The following ZBTB45 variants were observed in gnomAD, a reference collection of about 807,000 sequenced individuals.
The protein encoded by ZBTB45 is zinc finger and BTB domain containing 45, also known as zinc finger and BTB domain-containing protein 45.
ZBTB45 carries 22 observed loss-of-function variants against 28.4 expected under a neutral mutation model. The ratio of observed to expected loss-of-function variants is 0.77; its 90% confidence interval spans 0.55 to 1.10. The LOEUF (loss-of-function observed/expected upper bound fraction) is 1.10, where lower values mean the gene tolerates loss of function less well. Among genes scored for constraint, ZBTB45 ranks in the 50% least tolerant of loss-of-function variants. The pLI, the probability that ZBTB45 is intolerant of heterozygous loss-of-function variation, is 0.00. For missense variants in ZBTB45, 656 were observed against 750.2 expected, an observed-to-expected ratio of 0.87 and a Z score of 1.47; for synonymous variants, 361 against 332.3, an observed-to-expected ratio of 1.09 and a Z score of -0.94.
At chr19:58,532,205 G>A (rs1323069902) in intron 1 of ZBTB45, among the ~76,000 whole-genome samples, 1 of 152,196 alleles carries the variant, frequency 6.6e-6, no homozygotes, top group Non-Finnish European at 1.5e-5. Flanking sequence ...TGGGACTGAA[G>A]TAACTGAAAA....
chr19:58,527,626 G>A lies in ZBTB45; in HGVS notation c.1-9953C>T, dbSNP rs74449780. Among the ~76,000 whole-genome samples, 1,139 of 152,302 alleles carry A rather than the reference G, an allele frequency of 7.5e-3. 8 individuals are homozygous for A. Among genetic ancestry groups the A allele is most frequent in the Middle Eastern group, 0.014 (4 of 294 alleles). On this transcript the variant is annotated intron_variant, in intron 1 of 1. Coordinates refer to the ZBTB45 transcript ENST00000600130. The stretch of plus-strand genomic sequence containing the variant: ...TTCCACTCAGGAGTGGCTAGTCTGA[G>A]AAGTGCTTCCCTACTAAGGTGGGCA...
At chr19:58,514,708 CT>C (rs1227165822) in intron 2 of ZBTB45, among the ~76,000 whole-genome samples, 2 of 152,124 alleles carry the variant, frequency 1.3e-5, no homozygotes, top group African/African-American at 4.8e-5. Context: ...TGTTGGCCAT[CT>C]GGACTGCCCA....
At chr19:58,520,635 T>C (rs1261914174), upstream of ZBTB45, among the ~76,000 whole-genome samples, 1 of 151,944 alleles carries the variant, frequency 6.6e-6, no homozygotes, top group African/African-American at 2.4e-5. Flanking sequence ...AAGAGGAAGG[T>C]GGAGAAACTT....
chr19:58,534,170 T>A (rs2053648619), intron 1 of ZBTB45, among the ~76,000 whole-genome samples: 1 of 152,072 alleles, frequency 6.6e-6, no homozygotes, highest in Non-Finnish European at 1.5e-5. Flanking sequence ...AGTTAAAAAG[T>A]CCATAGAGAC....
intron 1 of ZBTB45, among the ~76,000 whole-genome samples, chr19:58,525,006 T>C (rs2053600365): frequency 6.6e-6 from 1 of 151,962 alleles, no homozygotes; most frequent in Non-Finnish European, 1.5e-5. Context: ...CAGAAGAAAT[T>C]GAGCTCCAGG....
At chr19:58,527,531 T>G (rs2053614271) in intron 1 of ZBTB45, among the ~76,000 whole-genome samples, 1 of 152,180 alleles carries the variant, frequency 6.6e-6, no homozygotes, top group Admixed American at 6.5e-5. Flanking sequence ...TCTCCAGTCC[T>G]GTCACTTTGT....
chr19:58,520,507 C>T (rs2053568481), upstream of ZBTB45, among the ~76,000 whole-genome samples: 2 of 151,946 alleles, frequency 1.3e-5, no homozygotes, highest in Non-Finnish European at 2.9e-5. Flanking sequence ...AGTTACACTA[C>T]ATGGTGAAAG....
chr19:58,527,564 G>A (rs1349239145), intron 1 of ZBTB45, among the ~76,000 whole-genome samples: 2 of 152,290 alleles, frequency 1.3e-5, no homozygotes, highest in South Asian at 2.1e-4. Context: ...TGCCACCCGG[G>A]TGTTGTGAAT....
At chr19:58,530,247 T>C (rs1039015641) in intron 1 of ZBTB45, among the ~76,000 whole-genome samples, 5 of 144,208 alleles carry the variant, frequency 3.5e-5, no homozygotes, top group African/African-American at 5.0e-5. Flanking sequence ...CTCAGTTGTA[T>C]GGATACACCA....
intron 1 of ZBTB45, among the ~76,000 whole-genome samples, chr19:58,533,687 G>C (rs919005531): frequency 1.3e-5 from 2 of 152,034 alleles, no homozygotes; most frequent in African/African-American, 4.8e-5. Flanking sequence ...TCTCCATTCT[G>C]CTCCCACCCA....
At chr19:58,517,797 A>G (rs2053532481) in intron 1 of ZBTB45, 124 bp from the exon 2 acceptor site, 1 of 816,124 alleles carries the variant, frequency 1.2e-6, no homozygotes, top group Non-Finnish European at 1.9e-6. Flanking sequence ...AAGGCGCGCT[A>G]ACCCATCCCT....
intron 1 of ZBTB45, chr19:58,519,331 C>T (rs879554089): frequency 6.6e-6 from 1 of 152,540 alleles, no homozygotes; most frequent in African/African-American, 2.4e-5. Flanking sequence ...ACCCGAGAGA[C>T]TTGAACCTTC....
Position 58,514,204 on chromosome 19 carries a change from G to C in ZBTB45, c.1386C>G (p.Ala462=). 1 of 1,612,566 alleles carries C rather than the reference G, an allele frequency of 6.2e-7. No homozygotes were observed. The highest frequency in any genetic ancestry group is 1.1e-5 in the South Asian group (1 of 91,048). The stretch of plus-strand genomic sequence containing the variant: ...TCTGCGTGAAGCGCTTGGCGCAGAC[G>C]GCGCACTGGAAGGCGCGCACGCCGG... ...THTGVRAFQC[A]VCAKRFTQKS... is the part of the protein sequence containing the mutation. Residue 462 remains alanine, a synonymous_variant, in exon 3 of 3, where the codon GCC becomes GCG. Coordinates refer to ENST00000594051, the MANE Select transcript of ZBTB45 (RefSeq NM_001316979.2).
At chr19:58,534,099 C>G (rs1471339893) in intron 1 of ZBTB45, among the ~76,000 whole-genome samples, 1 of 152,204 alleles carries the variant, frequency 6.6e-6, no homozygotes, top group Non-Finnish European at 1.5e-5. Context: ...TTTGCTATCA[C>G]AGCTGGTTAG....
chr19:58,528,704 C>CTA (rs1425997299), intron 1 of ZBTB45, among the ~76,000 whole-genome samples: 3 of 152,094 alleles, frequency 2.0e-5, no homozygotes, highest in Non-Finnish European at 2.9e-5. Flanking sequence ...ACCATCCTGG[C>CTA]TAATATGGTG....
chr19:58,535,723 T>C (rs2053656594), intron 1 of ZBTB45, among the ~76,000 whole-genome samples: 1 of 152,204 alleles, frequency 6.6e-6, no homozygotes, highest in Non-Finnish European at 1.5e-5. Flanking sequence ...AAGTAATAGA[T>C]ACCAAATCTC....
rs750409579 is a variant in ZBTB45, at chr19:58,517,523, G to A, written c.151C>T (p.Leu51=). ...TGGAAGAAGGGTGAGCCGGCCGCCA[G>A]CACGCAGCGGTGGGCACGCAGCGAA... ...EASLRAHRCV[L]AAGSPFFQDK... The change falls in exon 2 of 3, where the codon CTG becomes TTG. Residue 51 remains leucine (L), a synonymous_variant. Transcript: ENST00000594051. 3 of 1,613,498 alleles carry A rather than the reference G, an allele frequency of 1.9e-6. No homozygotes were observed. Among genetic ancestry groups the A allele is most frequent in the South Asian group, 1.1e-5 (1 of 91,088 alleles).
intron 1 of ZBTB45, among the ~76,000 whole-genome samples, chr19:58,537,358 G>A (rs1174707103): frequency 6.6e-6 from 1 of 152,112 alleles, no homozygotes; most frequent in East Asian, 1.9e-4. Context: ...AAGGTCTTGG[G>A]CCCAGGAGAA....
upstream of ZBTB45, among the ~76,000 whole-genome samples, chr19:58,522,393 C>A (rs1440984875): frequency 6.6e-6 from 1 of 151,684 alleles, no homozygotes; most frequent in Non-Finnish European, 1.5e-5. Context: ...AACTCCTGAC[C>A]TCAGGTGATC....
Sources: gnomAD v4.1 joint callset for allele counts (sites outside exome capture counted in the v4.1 genomes callset) on GRCh38, gnomAD v4.1.1 for gene constraint, MANE v1.5 for transcripts, NCBI Gene and HGNC (gene_info 2026-07-23, HGNC 2026-07-21) for gene names.